The following LRGUK variants were observed in gnomAD, a reference collection of about 807,000 sequenced individuals.
The protein encoded by LRGUK is leucine-rich repeat and guanylate kinase domain-containing protein.
In LRGUK, 65 loss-of-function variants were observed where a neutral mutation model predicts 76.0. That is an observed-to-expected ratio of 0.85 (90% CI 0.70 to 1.05). LRGUK has a LOEUF of 1.05. Among genes scored for constraint, LRGUK ranks in the 50% least tolerant of loss-of-function variants. The pLI, the probability that LRGUK is intolerant of heterozygous loss-of-function variation, is 0.00. For missense variants in LRGUK, 758 were observed against 732.8 expected (o/e 1.03, Z -0.40); for synonymous variants, 268 against 265.6 (o/e 1.01, Z -0.09).
downstream of LRGUK, among the ~76,000 whole-genome samples, chr7:134,214,263 G>A (rs186560883): frequency 2.8e-3 from 429 of 151,884 alleles, 2 homozygotes; most frequent in Non-Finnish European, 4.5e-3. Flanking sequence ...ACAACTTAAT[G>A]CCTATTGTTG....
Position 134,196,999 on chromosome 7 carries a change from T to G in LRGUK, c.1439T>G (p.Phe480Cys), listed in dbSNP as rs752038335. ...GTTCTTCTCGAATTCCAGGGGAAAT[T>G]CATTCTAACATTTAGTTATGGTAAT... Residue 480 changes from phenylalanine (F) to cysteine (C), a missense_variant, in exon 13 of 16, where the codon TTC (phenylalanine) becomes TGC (cysteine). Phe to Cys is a radical substitution (Grantham distance 205). Transcript: ENST00000645682. The G allele has an allele frequency of 3.8e-6, 6 of 1,575,400 alleles. No individual in the cohort carries two copies. The East Asian group carries it at 1.3e-4, about 35-fold the overall frequency.
chr7:134,218,380 AT>A (rs765692569), intron 15 of LRGUK, among the ~76,000 whole-genome samples: 5 of 152,076 alleles, frequency 3.3e-5, no homozygotes, highest in East Asian at 1.9e-4. Flanking sequence ...GTGTTGATAC[AT>A]TTTTTTTGCA....
downstream of LRGUK, among the ~76,000 whole-genome samples, chr7:134,268,232 A>C (rs1802895954): frequency 6.6e-6 from 1 of 152,196 alleles, no homozygotes; most frequent in Non-Finnish European, 1.5e-5. Flanking sequence ...TAGTAAAAAC[A>C]GATGAAGATG....
At chr7:134,167,368 C>T (rs1799037089) in intron 7 of LRGUK, among the ~76,000 whole-genome samples, 1 of 152,186 alleles carries the variant, frequency 6.6e-6, no homozygotes, top group East Asian at 1.9e-4. Flanking sequence ...TTCCCCTTTG[C>T]CCCTGACCCC....
exon 16 of LRGUK, chr7:134,209,518 C>G: frequency 7.5e-6 from 3 of 399,258 alleles, no homozygotes; most frequent in African/African-American, 2.1e-5. Context: ...CCCCGGGGAC[C>G]TTGCTTCCTA....
chr7:134,269,231 G>A (rs1250525104), downstream of LRGUK, among the ~76,000 whole-genome samples: 1 of 151,976 alleles, frequency 6.6e-6, no homozygotes, highest in Non-Finnish European at 1.5e-5. Flanking sequence ...GGATTATTTA[G>A]AAGTGTGTTG....
intron 10 of LRGUK, among the ~76,000 whole-genome samples, chr7:134,179,690 A>G (rs1259865190): frequency 6.6e-6 from 1 of 152,208 alleles, no homozygotes; most frequent in South Asian, 2.1e-4. Flanking sequence ...AACATATATC[A>G]AGGAAATTTG....
At chr7:134,238,712 G>T (rs1802068769) in intron 16 of LRGUK, among the ~76,000 whole-genome samples, 1 of 151,946 alleles carries the variant, frequency 6.6e-6, no homozygotes, top group Non-Finnish European at 1.5e-5. Context: ...TTATATGAAA[G>T]CTTTCATTGT....
intron 16 of LRGUK, among the ~76,000 whole-genome samples, chr7:134,222,895 G>A (rs750058534): frequency 6.6e-6 from 1 of 152,086 alleles, no homozygotes; most frequent in African/African-American, 2.4e-5. Context: ...ACCATGCCCC[G>A]CCAAGGATAG....
intron 4 of LRGUK, 133 bp from the exon 5 acceptor site, chr7:134,148,105 G>GC: frequency 1.7e-6 from 1 of 594,622 alleles, no homozygotes; most frequent in Non-Finnish European, 2.9e-6. Flanking sequence ...GATTCTTTTA[G>GC]CCTTAGTGTG....
At chr7:134,200,770 T>C (rs916821106) in intron 14 of LRGUK, among the ~76,000 whole-genome samples, 2 of 152,206 alleles carry the variant, frequency 1.3e-5, no homozygotes, top group Non-Finnish European at 2.9e-5. Flanking sequence ...ATAGAAATTA[T>C]CACACTTAGT....
chr7:134,189,921 A>G (rs553748718), intron 11 of LRGUK, among the ~76,000 whole-genome samples: 1 of 152,346 alleles, frequency 6.6e-6, no homozygotes, highest in Admixed American at 6.5e-5. Flanking sequence ...TCTTAAGTAT[A>G]ATGGAAAGGG....
chr7:134,269,735 G>A, the LRGUK span, among the ~76,000 whole-genome samples: 2 of 152,108 alleles, frequency 1.3e-5, no homozygotes, highest in African/African-American at 4.8e-5. Context: ...ATAAAATTCA[G>A]CAATACATAA....
At chr7:134,209,261 C>T (rs1752851364) in exon 16 of LRGUK, 3 of 399,266 alleles carry the variant, frequency 7.5e-6, no homozygotes, top group Non-Finnish European at 1.3e-5. Context: ...CCCCACTCCC[C>T]TCAGCCCTCA....
intron 16 of LRGUK, among the ~76,000 whole-genome samples, chr7:134,235,722 A>G (rs1232698522): frequency 6.6e-6 from 1 of 152,192 alleles, no homozygotes; most frequent in Non-Finnish European, 1.5e-5. Flanking sequence ...CTCAGTTAAT[A>G]CTTGTTGAAT....
chr7:134,258,370 G>A, exon 19 of LRGUK: 1 of 1,614,018 alleles, frequency 6.2e-7, no homozygotes, highest in Non-Finnish European at 8.5e-7. Context: ...CTAGGATCAG[G>A]AGCCAGTGAC....
chr7:134,181,292 C>T (rs1799734808), intron 10 of LRGUK, among the ~76,000 whole-genome samples: 1 of 152,152 alleles, frequency 6.6e-6, no homozygotes, highest in African/African-American at 2.4e-5. Flanking sequence ...TCATGATCCA[C>T]ACCTTTTTCC....
chr7:134,221,900 A>G, exon 16 of LRGUK: 3 of 1,594,770 alleles, frequency 1.9e-6, no homozygotes, highest in Non-Finnish European at 8.5e-7. Flanking sequence ...CCAAACTTTC[A>G]GCCAAAAAAA....
chr7:134,244,766 C>A (rs1262574444), intron 16 of LRGUK, among the ~76,000 whole-genome samples: 4 of 152,100 alleles, frequency 2.6e-5, no homozygotes, highest in Non-Finnish European at 2.9e-5. Context: ...ATGTTTATTG[C>A]GGCACTATTC....
Sources: gnomAD v4.1 joint callset for allele counts (sites outside exome capture counted in the v4.1 genomes callset) on GRCh38, gnomAD v4.1.1 for gene constraint, MANE v1.5 for transcripts, NCBI Gene and HGNC (gene_info 2026-07-23, HGNC 2026-07-21) for gene names.